The following ZBTB20 variants were observed in gnomAD, a reference collection of about 807,000 sequenced individuals.
ZBTB20 encodes zinc finger and BTB domain containing 20.
ZBTB20 carries 9 observed loss-of-function variants against 56.9 expected under a neutral mutation model. The observed-to-expected ratio is 0.16, with a 90% CI of 0.10 to 0.28. ZBTB20 has a LOEUF of 0.28. Ranked by LOEUF, ZBTB20 falls within the 10% of genes least tolerant of loss-of-function variation. ZBTB20 has a pLI of 1.00. For missense variants in ZBTB20, 655 were observed against 1,003.0 expected, an observed-to-expected ratio of 0.65 and a Z score of 4.69; for synonymous variants, 417 against 420.7, an observed-to-expected ratio of 0.99 and a Z score of 0.11.
At chr3:114,915,920 G>T (rs11721279) in intron 3 of ZBTB20, among the ~76,000 whole-genome samples, 22,946 of 151,952 alleles carry the variant, frequency 0.15, 2,169 homozygotes, top group African/African-American at 0.26. Context: ...GATCAGAGAA[G>T]ATATTTGATA....
intron 6 of ZBTB20, among the ~76,000 whole-genome samples, chr3:114,636,672 T>C (rs1265106678): frequency 1.3e-5 from 2 of 151,632 alleles, no homozygotes; most frequent in Non-Finnish European, 2.9e-5. Flanking sequence ...GTAGTAGATA[T>C]ATAAAACATA....
chr3:114,621,398 T>C (rs576843982), intron 6 of ZBTB20, among the ~76,000 whole-genome samples: 30 of 152,336 alleles, frequency 2.0e-4, no homozygotes, highest in African/African-American at 6.5e-4. Flanking sequence ...ATATTTTTAA[T>C]AGCTGAATAT....
At chr3:114,765,338 C>G (rs575357010) in intron 5 of ZBTB20, among the ~76,000 whole-genome samples, 1 of 152,222 alleles carries the variant, frequency 6.6e-6, no homozygotes, top group African/African-American at 2.4e-5. Context: ...GTTCTCTACT[C>G]AAGTATGACT....
intron 3 of ZBTB20, among the ~76,000 whole-genome samples, chr3:114,965,365 C>G (rs543116263): frequency 2.0e-5 from 3 of 152,108 alleles, no homozygotes; most frequent in Non-Finnish European, 4.4e-5. Flanking sequence ...TTTTTATTTA[C>G]ACAATGTACA....
chr3:114,529,236 G>A (rs964946072), intron 6 of ZBTB20: 9 of 152,136 alleles, frequency 5.9e-5, no homozygotes, highest in African/African-American at 9.7e-5. Context: ...TCCATTAAAA[G>A]TTCCTGTGTA....
intron 7 of ZBTB20, chr3:114,445,694 T>G (rs1022432050): frequency 6.6e-6 from 1 of 152,154 alleles, no homozygotes. Context: ...TCTAGAGAGA[T>G]TTTTGTAAAC....
intron 3 of ZBTB20, among the ~76,000 whole-genome samples, chr3:114,935,105 C>T (rs961567545): frequency 2.0e-5 from 3 of 152,130 alleles, no homozygotes; most frequent in African/African-American, 7.2e-5. Flanking sequence ...CTTCTAAGCC[C>T]TACTACCTAG....
At chr3:114,531,739 C>A (rs2047866798) in intron 6 of ZBTB20, among the ~76,000 whole-genome samples, 1 of 152,190 alleles carries the variant, frequency 6.6e-6, no homozygotes, top group Non-Finnish European at 1.5e-5. Flanking sequence ...CAGCTCCCAG[C>A]AAGATCAATC....
intron 2 of ZBTB20, among the ~76,000 whole-genome samples, chr3:115,062,662 G>A (rs2082053047): frequency 6.6e-6 from 1 of 150,532 alleles, no homozygotes; most frequent in South Asian, 2.1e-4. Flanking sequence ...CTAGATTTTT[G>A]GCAAAGCATG....
Position 114,385,955 on chromosome 3 carries a change from A to T in ZBTB20, c.-154+3050T>A, listed in dbSNP as rs1416271735. Among the ~76,000 whole-genome samples, 6 of 152,240 alleles carry T rather than the reference A, an allele frequency of 3.9e-5. No individual in the cohort carries two copies. In the South Asian group the frequency reaches 1.2e-3, roughly 32 times the overall value. ...TGGATTGTTATTGTAGCAAAGGCAGAAACAATGTTAGGACCAGCAATCTCT... is the reference window on the plus strand; with the variant it reads ...TGGATTGTTATTGTAGCAAAGGCAGTAACAATGTTAGGACCAGCAATCTCT... On this transcript the variant is annotated intron_variant, in intron 8 of 11. Coordinates refer to ENST00000675478, the MANE Select transcript of ZBTB20 (RefSeq NM_001348800.3).
chr3:114,439,638 C>T (rs1335606108), intron 7 of ZBTB20, among the ~76,000 whole-genome samples: 2 of 152,120 alleles, frequency 1.3e-5, no homozygotes, highest in African/African-American at 4.8e-5. Context: ...ATGAATGTGG[C>T]CTCTTTTCCA....
chr3:114,753,245 C>A (rs2067702272), intron 5 of ZBTB20, among the ~76,000 whole-genome samples: 1 of 74,768 alleles, frequency 1.3e-5, no homozygotes. Flanking sequence ...TATATGTATA[C>A]CTGTATATAA....
chr3:114,739,460 C>A (rs1441396353), intron 5 of ZBTB20, among the ~76,000 whole-genome samples: 1 of 152,162 alleles, frequency 6.6e-6, no homozygotes, highest in Non-Finnish European at 1.5e-5. Context: ...CATCACAGGG[C>A]CCTGTTTAAG....
chr3:115,121,497 A>C (rs2084180525), intron 1 of ZBTB20, among the ~76,000 whole-genome samples: 1 of 152,052 alleles, frequency 6.6e-6, no homozygotes, highest in Non-Finnish European at 1.5e-5. Flanking sequence ...GGCAAAAAGA[A>C]AAAAAAGACA....
intron 4 of ZBTB20, among the ~76,000 whole-genome samples, chr3:114,849,256 A>G (rs2074874546): frequency 6.6e-6 from 1 of 152,170 alleles, no homozygotes; most frequent in South Asian, 2.1e-4. Context: ...TTCAACATAA[A>G]TCAACATTTC....
chr3:114,959,679 T>C (rs1377309931), intron 3 of ZBTB20, among the ~76,000 whole-genome samples: 1 of 149,570 alleles, frequency 6.7e-6, no homozygotes, highest in African/African-American at 2.5e-5. Flanking sequence ...GATATATATG[T>C]ACACACACAC....
intron 6 of ZBTB20, among the ~76,000 whole-genome samples, chr3:114,506,307 T>C (rs2044604861): frequency 6.6e-6 from 1 of 152,110 alleles, no homozygotes; most frequent in Admixed American, 6.6e-5. Context: ...AGAGAGAAGA[T>C]TTTAAAGTTC....
At chr3:114,533,585 C>A (rs2048115699) in intron 6 of ZBTB20, among the ~76,000 whole-genome samples, 1 of 152,124 alleles carries the variant, frequency 6.6e-6, no homozygotes, top group Admixed American at 6.5e-5. Context: ...TCCAGGAGAG[C>A]TTCCCCAGCC....
chr3:114,994,052 A>G (rs79506414), intron 2 of ZBTB20, among the ~76,000 whole-genome samples: 1 of 151,846 alleles, frequency 6.6e-6, no homozygotes, highest in Non-Finnish European at 1.5e-5. Context: ...CTGATCAAAA[A>G]ATATTAATCA....
Sources: gnomAD v4.1 joint callset for allele counts (sites outside exome capture counted in the v4.1 genomes callset) on GRCh38, gnomAD v4.1.1 for gene constraint, MANE v1.5 for transcripts, NCBI Gene and HGNC (gene_info 2026-07-23, HGNC 2026-07-21) for gene names.